NCAPG: variants seen among roughly 807,000 people sequenced by gnomAD.
NCAPG encodes condensin complex subunit 3.
A neutral mutation model predicts 113.1 loss-of-function variants in NCAPG; 69 were observed. The observed-to-expected ratio is 0.61, with a 90% CI of 0.50 to 0.75. NCAPG has a LOEUF of 0.75. Ranked by LOEUF, NCAPG falls within the 30% of genes least tolerant of loss-of-function variation. The pLI is 0.00. For missense variants in NCAPG, 1,058 were observed against 1,177.0 expected, an observed-to-expected ratio of 0.90 and a Z score of 1.48; for synonymous variants, 370 against 415.8, an observed-to-expected ratio of 0.89 and a Z score of 1.34.
rs375239069 is a variant in NCAPG, at chr4:17,843,989, A to C, written c.*564A>C. On this transcript the variant is annotated 3_prime_UTR_variant, in exon 21 of 21. Coordinates refer to ENST00000251496, the MANE Select transcript of NCAPG (RefSeq NM_022346.5). ...TCCTACAGTGAAAACATTTTTGGTG[A>C]TATCTGCCTGGGAAATCTCTCTTCC... is the stretch of plus-strand genomic sequence containing the variant. 6.6e-5 allele frequency: 10 copies of C among 152,108 alleles called. No homozygotes were observed. The highest frequency in any genetic ancestry group is 2.4e-4 in the African/African-American group (10 of 41,560). 9.4% of individuals were successfully genotyped at this position (152,108 alleles called of 1,614,324 possible).
intron 11 of NCAPG, among the ~76,000 whole-genome samples, chr4:17,826,656 G>A (rs1046893884): frequency 6.6e-6 from 1 of 152,192 alleles, no homozygotes; most frequent in African/African-American, 2.4e-5. Context: ...GACCATTTAT[G>A]TGTCTATTTG....
rs756540654 is a variant in NCAPG, at chr4:17,817,956, A to G, written c.986A>G (p.Glu329Gly). The G allele has an allele frequency of 6.3e-6, 10 of 1,598,700 alleles. No individual in the cohort carries two copies. In the East Asian group the frequency reaches 1.8e-4, roughly 29 times the overall value. Residue 329 changes from glutamate (E) to glycine (G), a missense_variant, in exon 7 of 21, where the codon GAA (glutamate) becomes GGA (glycine). Transcript: ENST00000251496. ...AAATGAAGGAAATTGATTCCAGTGG[A>G]AACATTAACTCCTGAAATTGCTTTG... Reference protein sequence around the residue: ...NNDGRKLIPVETLTPEIALYW... With the variant: ...NNDGRKLIPVGTLTPEIALYW...
chr4:17,820,595 C>A (rs1721415632), intron 7 of NCAPG, among the ~76,000 whole-genome samples: 1 of 151,772 alleles, frequency 6.6e-6, no homozygotes, highest in African/African-American at 2.4e-5. Flanking sequence ...GAGCAAGACT[C>A]CGTCTCAAAA....
Position 17,814,850 on chromosome 4 carries a change from T to C in NCAPG, c.545-3T>C. 6.2e-7 allele frequency: 1 copy of C among 1,613,276 alleles called. No individual in the cohort carries two copies. The highest frequency in any genetic ancestry group is 8.5e-7 in the Non-Finnish European group (1 of 1,179,338). On this transcript the variant is annotated splice_region_variant and splice_polypyrimidine_tract_variant and intron_variant, in intron 3 of 20. Coordinates refer to ENST00000251496, the MANE Select transcript of NCAPG (RefSeq NM_022346.5). ...GTACTAAAATGTATTGCTTTATTTT[T>C]AGCATATGCTACTTTGATTGAAAAT... is the stretch of plus-strand genomic sequence containing the variant.
At chr4:17,827,493 T>C (rs1721695781) in intron 11 of NCAPG, among the ~76,000 whole-genome samples, 2 of 152,156 alleles carry the variant, frequency 1.3e-5, no homozygotes, top group Non-Finnish European at 2.9e-5. Flanking sequence ...ACTTGAGAGG[T>C]ATTTAGAAAT....
rs1304980969 is a variant in NCAPG at position 17,811,038 on chromosome 4, C to T, written c.-40C>T. ...GGTTGGCGGGCTGGCAGGCTGTAGC[C>T]GAGCGCGGGCAGGACTCGTCCCGGC... On this transcript the variant is annotated 5_prime_UTR_variant, in exon 1 of 21. Transcript: ENST00000251496. This position sits in a 1 kb window ranked among gnomAD's most constrained non-coding sequence, Gnocchi z 5.3. 1 of 1,332,798 alleles carries T rather than the reference C, an allele frequency of 7.5e-7. No homozygotes were observed. The highest frequency in any genetic ancestry group is 1.0e-6 in the Non-Finnish European group (1 of 995,424). The allele number at this position is 1,332,798 out of a possible 1,614,324, so 82.6% of individuals were successfully genotyped here.
chr4:17,838,898 G>T (rs888335617), intron 16 of NCAPG, among the ~76,000 whole-genome samples: 13 of 152,026 alleles, frequency 8.6e-5, no homozygotes, highest in African/African-American at 2.9e-4. Context: ...AGAAAGAAAA[G>T]AATATTAATA....
intron 18 of NCAPG, 61 bp downstream of exon 18, chr4:17,840,270 A>C: frequency 6.9e-7 from 1 of 1,440,878 alleles, no homozygotes; most frequent in South Asian, 1.6e-5. Context: ...ATCTTTACTG[A>C]GACATATTTT....
chr4:17,844,745 A>T lies in NCAPG; in HGVS notation c.*1320A>T, dbSNP rs1016407351. The stretch of plus-strand genomic sequence containing the variant: ...AAGGAAAAGTCTTAGAAACATAATA[A>T]GCTAAAATCCCATTCACACATGGCC... On this transcript the variant is annotated 3_prime_UTR_variant, in exon 21 of 21. Transcript: ENST00000251496. The T allele has an allele frequency of 6.6e-6, 1 of 152,470 alleles. No homozygotes were observed. The allele number at this position is 152,470 out of a possible 1,614,324, so 9.4% of individuals were successfully genotyped here.
chr4:17,837,707 C>G lies in NCAPG; in HGVS notation c.2372C>G (p.Ala791Gly). Reference protein sequence around the residue: ...LANAPASSPLAEIDITNVAEL... With the variant: ...LANAPASSPLGEIDITNVAEL... The stretch of plus-strand genomic sequence containing the variant: ...AATGCCCCTGCATCTTCTCCTTTAG[C>G]TGAAATTGATATCACAAATGTTGCT... The change falls in exon 16 of 21, where the codon GCT becomes GGT. Residue 791 changes from alanine (A) to glycine (G), a missense_variant. Physicochemically the swap from Ala to Gly is moderately conservative, Grantham distance 60. Transcript: ENST00000251496. 1 of 1,614,022 alleles carries G rather than the reference C, an allele frequency of 6.2e-7. No homozygotes were observed. Among genetic ancestry groups the G allele is most frequent in the Admixed American group, 1.7e-5 (1 of 60,014 alleles).
intron 7 of NCAPG, among the ~76,000 whole-genome samples, chr4:17,819,704 G>C (rs1281369217): frequency 6.6e-6 from 1 of 152,038 alleles, no homozygotes; most frequent in African/African-American, 2.4e-5. Flanking sequence ...CCAGCCTGAT[G>C]TATTTTTTTA....
intron 20 of NCAPG, chr4:17,842,648 T>A: frequency 3.2e-6 from 1 of 317,340 alleles, no homozygotes; most frequent in Non-Finnish European, 5.9e-6. Flanking sequence ...ATGTGACTCC[T>A]CTTTGATCTT....
chr4:17,824,800 G>GT (rs944489106), intron 9 of NCAPG, among the ~76,000 whole-genome samples, 168 bp from the exon 10 acceptor site: 21 of 145,970 alleles, frequency 1.4e-4, no homozygotes, highest in African/African-American at 5.4e-4. Context: ...GTTTTGTTTT[G>GT]TTTTTTTCTA....
chr4:17,832,330 G>A (rs1483632429), intron 13 of NCAPG, among the ~76,000 whole-genome samples: 1 of 152,158 alleles, frequency 6.6e-6, no homozygotes, highest in African/African-American at 2.4e-5. Flanking sequence ...GGTTACTGAG[G>A]TTGTGAGCAG....
chr4:17,835,617 C>G (rs1231640074), intron 14 of NCAPG, among the ~76,000 whole-genome samples: 2 of 152,208 alleles, frequency 1.3e-5, no homozygotes, highest in Non-Finnish European at 2.9e-5. Context: ...ACTCATTAAG[C>G]AGTTGCTCCT....
At chr4:17,815,223 A>G in intron 4 of NCAPG, 51 bp from the exon 5 acceptor site, 1 of 1,470,310 alleles carries the variant, frequency 6.8e-7, no homozygotes. Flanking sequence ...TTCTTATGAA[A>G]TCTATAAATT....
chr4:17,839,024 A>C (rs1201778612), intron 16 of NCAPG, among the ~76,000 whole-genome samples: 1 of 152,242 alleles, frequency 6.6e-6, no homozygotes, highest in Admixed American at 6.5e-5. Context: ...TCTAAAAGAA[A>C]GAGCTTGAGA....
intron 7 of NCAPG, among the ~76,000 whole-genome samples, chr4:17,822,412 G>A (rs1174494335): frequency 1.3e-5 from 2 of 151,758 alleles, no homozygotes; most frequent in Non-Finnish European, 2.9e-5. Context: ...GGCTGGTCTC[G>A]AACTCCTGAC....
intron 16 of NCAPG, among the ~76,000 whole-genome samples, chr4:17,838,625 G>GATAT (rs1330906716): frequency 2.0e-5 from 3 of 152,158 alleles, no homozygotes; most frequent in African/African-American, 7.2e-5. Context: ...TAGTAAAGGT[G>GATAT]ATATATGTAG....
Sources: allele counts gnomAD v4.1 joint callset (sites outside exome capture counted in the v4.1 genomes callset), GRCh38; gene constraint gnomAD v4.1.1; non-coding constraint Gnocchi (gnomAD v3.1); transcripts MANE v1.5; gene names NCBI Gene and HGNC (gene_info 2026-07-23, HGNC 2026-07-21).